LGALS4: variants seen among roughly 807,000 people sequenced by gnomAD.
LGALS4 encodes galectin-4.
In LGALS4, 37 loss-of-function variants were observed where a neutral mutation model predicts 39.6. That is an observed-to-expected ratio of 0.93 (90% CI 0.72 to 1.23). The LOEUF is 1.23. Ranked by LOEUF, LGALS4 falls within the 50% of genes most tolerant of loss-of-function variation. The probability of loss-of-function intolerance (pLI) is 0.00; values close to 1 mark genes in which losing one functional copy is unlikely to be tolerated. For synonymous variants in LGALS4, 160 were observed against 165.5 expected, an observed-to-expected ratio of 0.97 and a Z score of 0.25; for missense variants, 397 against 433.2, an observed-to-expected ratio of 0.92 and a Z score of 0.74.
At position 38,804,165 on chromosome 19, in the gene LGALS4, G is replaced by A. The variant is rs1218121465; in HGVS notation, c.475-270C>T. On this transcript the variant is annotated intron_variant, in intron 4 of 9. Transcript: ENST00000307751. ...CCCTTCCCCTTGCTGTCTTCCTGCT[G>A]TCCCGGGGCCCTCACTCGCTGATCT... 2.6e-5 allele frequency among the ~76,000 whole-genome samples: 4 copies of A among 151,936 alleles called. No homozygotes were observed. In the South Asian group the frequency reaches 8.3e-4, roughly 32 times the overall value.
chr19:38,807,579 C>T (rs1043664572), intron 3 of LGALS4, among the ~76,000 whole-genome samples: 9 of 151,584 alleles, frequency 5.9e-5, no homozygotes, highest in Non-Finnish European at 8.8e-5. Flanking sequence ...AAGTGAGGAG[C>T]GCCTCTGCCA....
At chr19:38,810,753 A>G (rs895434844) in intron 2 of LGALS4, among the ~76,000 whole-genome samples, 3 of 152,138 alleles carry the variant, frequency 2.0e-5, no homozygotes, top group Non-Finnish European at 4.4e-5. Context: ...CTGGGATTAC[A>G]GGCGTAAGCC....
intron 4 of LGALS4, 26 bp downstream of exon 4, chr19:38,806,435 G>A (rs201345355): frequency 1.2e-5 from 20 of 1,603,808 alleles, no homozygotes; most frequent in Middle Eastern, 1.7e-4. Flanking sequence ...AAGAAAGGAC[G>A]CAAGAAGGGA....
chr19:38,808,442 G>A (rs1971448870), intron 3 of LGALS4, among the ~76,000 whole-genome samples: 1 of 151,828 alleles, frequency 6.6e-6, no homozygotes, highest in African/African-American at 2.4e-5. Context: ...TGGGCAACAT[G>A]GTGAAACCCC....
chr19:38,804,052 GA>G lies in LGALS4; in HGVS notation c.475-158del, dbSNP rs144674864. 6.2e-3 allele frequency among the ~76,000 whole-genome samples: 949 copies of G among 152,314 alleles called. 11 individuals carry two copies. The highest frequency in any genetic ancestry group is 0.022 in the African/African-American group (900 of 41,584). ...GGCACCCCGATCACAGATTCACGGA[GA>G]GGGGCACCCCATGTTCTGGGATCGC... On this transcript the variant is annotated intron_variant, in intron 4 of 9. Transcript: ENST00000307751.
chr19:38,809,083 C>A, intron 2 of LGALS4, 135 bp from the exon 3 acceptor site: 1 of 691,886 alleles, frequency 1.4e-6, no homozygotes, highest in Non-Finnish European at 2.4e-6. Flanking sequence ...TGAGGGGCAA[C>A]CTTGGCACTG....
chr19:38,802,322 C>T lies in LGALS4; in HGVS notation c.653G>A (p.Gly218Asp). The change falls in exon 8 of 10, where the codon GGC becomes GAC. Residue 218 changes from glycine (G) to aspartate (D), a missense_variant. Coordinates refer to ENST00000307751, the MANE Select transcript of LGALS4 (RefSeq NM_006149.4). Reference protein sequence around the residue: ...IIIKGYVPPTGKSFAINFKVG... With the variant: ...IIIKGYVPPTDKSFAINFKVG... ...CACCTAGTTTACGTTATACCTCTTG[C>T]CTGTGGGAGGCACATAGCCCTTGAT... The T allele has an allele frequency of 6.2e-7, 1 of 1,613,970 alleles. No individual in the cohort carries two copies. The highest frequency in any genetic ancestry group is 8.5e-7 in the Non-Finnish European group (1 of 1,179,856).
chr19:38,804,348 C>T (rs1971397732), intron 4 of LGALS4, among the ~76,000 whole-genome samples: 1 of 152,148 alleles, frequency 6.6e-6, no homozygotes, highest in Non-Finnish European at 1.5e-5. Flanking sequence ...GGCACGATCT[C>T]TGCTCACCTC....
chr19:38,803,986 C>T (rs1971393337), intron 4 of LGALS4, 91 bp from the exon 5 acceptor site: 2 of 1,332,768 alleles, frequency 1.5e-6, no homozygotes, highest in African/African-American at 1.5e-5. Context: ...GGTGGCCCAC[C>T]ACCACCACCA....
At position 38,803,786 on chromosome 19, in the gene LGALS4, C is replaced by T. The variant is rs761629297; in HGVS notation, c.502-6G>A. ...TGATGGCAATGTCCGGGACCCTGAA[C>T]GATGGACAGAAGGCAGGAAGGGTGA... On this transcript the variant is annotated splice_region_variant and splice_polypyrimidine_tract_variant and intron_variant, in intron 5 of 9. Coordinates refer to ENST00000307751, the MANE Select transcript of LGALS4 (RefSeq NM_006149.4). The T allele has an allele frequency of 5.1e-5, 83 of 1,613,466 alleles. No individual in the cohort carries two copies. The highest frequency in any genetic ancestry group is 1.7e-4 in the Admixed American group (10 of 59,928).
chr19:38,803,291 ACAGGCGTGAGCCACCATGT>A, intron 7 of LGALS4: 1 of 594,510 alleles, frequency 1.7e-6, no homozygotes, highest in Non-Finnish European at 3.0e-6. Flanking sequence ...TGCTGGGATT[ACAGGCGTGAGCCACCATGT>A]CCAGCCCAAG....
At chr19:38,805,893 G>A (rs907355235) in intron 4 of LGALS4, among the ~76,000 whole-genome samples, 1 of 152,146 alleles carries the variant, frequency 6.6e-6, no homozygotes, top group Admixed American at 6.6e-5. Context: ...CCAACATGGT[G>A]AAACCCCGTC....
intron 4 of LGALS4, among the ~76,000 whole-genome samples, chr19:38,805,034 C>T (rs1361145240): frequency 6.6e-6 from 1 of 151,234 alleles, no homozygotes; most frequent in Non-Finnish European, 1.5e-5. Context: ...GCTGGTGGTG[C>T]GTGCCTGTAG....
At chr19:38,802,444 TAGCAG>T in intron 7 of LGALS4, 40 bp from the exon 8 acceptor site, 2 of 1,471,104 alleles carry the variant, frequency 1.4e-6, no homozygotes, top group Non-Finnish European at 1.9e-6. Flanking sequence ...TCTCTCAGCT[TAGCAG>T]AGCCAGATGT....
intron 4 of LGALS4, among the ~76,000 whole-genome samples, chr19:38,805,699 C>G (rs975305612): frequency 2.6e-5 from 4 of 152,284 alleles, no homozygotes; most frequent in Admixed American, 2.0e-4. Context: ...AGTGATGGGT[C>G]TGTCTTCCCA....
intron 7 of LGALS4, chr19:38,803,308 T>C (rs1323482557): frequency 3.3e-6 from 2 of 605,786 alleles, no homozygotes; most frequent in Non-Finnish European, 5.9e-6. Context: ...TGAGCCACCA[T>C]GTCCAGCCCA....
intron 2 of LGALS4, among the ~76,000 whole-genome samples, chr19:38,812,030 CAAAA>C (rs1380350432): frequency 6.8e-6 from 1 of 146,522 alleles, no homozygotes; most frequent in African/African-American, 2.6e-5. Context: ...AAAAAAAAAA[CAAAA>C]AAAACAAAAA....
intron 4 of LGALS4, among the ~76,000 whole-genome samples, chr19:38,806,085 A>G (rs1338540987): frequency 1.3e-5 from 2 of 151,842 alleles, no homozygotes; most frequent in African/African-American, 4.8e-5. Context: ...AAGAAAAAAT[A>G]GACCAACTGC....
chr19:38,806,872 G>A (rs560301313), intron 3 of LGALS4, among the ~76,000 whole-genome samples: 54 of 152,116 alleles, frequency 3.5e-4, no homozygotes, highest in Non-Finnish European at 5.4e-4. Context: ...GCCTGAACCC[G>A]GGAGGTGGAG....
Sources: gnomAD v4.1 joint callset for allele counts (sites outside exome capture counted in the v4.1 genomes callset) on GRCh38, gnomAD v4.1.1 for gene constraint, MANE v1.5 for transcripts, NCBI Gene and HGNC (gene_info 2026-07-23, HGNC 2026-07-21) for gene names.